CSMD1: variants seen among roughly 807,000 people sequenced by gnomAD.
The protein encoded by CSMD1 is CUB and sushi domain-containing protein 1.
In CSMD1, 213 loss-of-function variants were observed where a neutral mutation model predicts 417.5. The observed-to-expected ratio is 0.51, with a 90% CI of 0.46 to 0.57. CSMD1 has a LOEUF of 0.57. CSMD1 is among the 20% of genes least tolerant of loss of function. CSMD1 has a pLI of 0.00. For synonymous variants in CSMD1, 2,862 were observed against 1,736.8 expected (o/e 1.65, Z -16.11); for missense variants, 6,923 against 4,529.7 (o/e 1.53, Z -15.17).
chr8:4,454,065 G>A (rs976821318), intron 2 of CSMD1, among the ~76,000 whole-genome samples: 19 of 151,912 alleles, frequency 1.3e-4, no homozygotes, highest in South Asian at 8.3e-4. Flanking sequence ...CTCGTGATCC[G>A]CCCGCCTCGG....
At chr8:3,619,544 G>T (rs190547494) in intron 7 of CSMD1, among the ~76,000 whole-genome samples, 68 of 152,076 alleles carry the variant, frequency 4.5e-4, no homozygotes, top group Admixed American at 8.5e-4. Context: ...TTAAATAAAG[G>T]AATATAAACT....
rs1354544358 is a variant in CSMD1 at position 3,821,833 on chromosome 8, A to T, written c.819-67791T>A. 2.6e-5 allele frequency among the ~76,000 whole-genome samples: 4 copies of T among 152,138 alleles called. No homozygotes were observed. In the East Asian group the frequency reaches 7.7e-4, roughly 29 times the overall value. ...ACAAACAAAAAGTTTAATGGGAGAAACAAAGTTAGTCATGGCAAGGAATAT... is the reference window on the plus strand; with the variant it reads ...ACAAACAAAAAGTTTAATGGGAGAATCAAAGTTAGTCATGGCAAGGAATAT... On this transcript the variant is annotated intron_variant, in intron 5 of 69. Transcript: ENST00000635120.
At chr8:3,379,502 AC>A (rs1481168554) in intron 18 of CSMD1, among the ~76,000 whole-genome samples, 4 of 152,178 alleles carry the variant, frequency 2.6e-5, no homozygotes, top group African/African-American at 9.7e-5. Flanking sequence ...GAACTATACT[AC>A]CAGGCTACAG....
intron 46 of CSMD1, among the ~76,000 whole-genome samples, chr8:3,104,264 G>A (rs1279347048): frequency 6.6e-6 from 1 of 152,138 alleles, no homozygotes; most frequent in Non-Finnish European, 1.5e-5. Flanking sequence ...CTTGAGGAAA[G>A]AATCCATAAA....
chr8:4,499,590 T>C (rs1469371688), intron 2 of CSMD1, among the ~76,000 whole-genome samples: 1 of 152,230 alleles, frequency 6.6e-6, no homozygotes, highest in Non-Finnish European at 1.5e-5. Flanking sequence ...AAGATATTAA[T>C]TCTGTAAAAG....
chr8:4,120,940 T>C (rs947288891), intron 3 of CSMD1, among the ~76,000 whole-genome samples: 1 of 152,198 alleles, frequency 6.6e-6, no homozygotes, highest in African/African-American at 2.4e-5. Context: ...AAAATGTGTA[T>C]AATAAGAATA....
chr8:4,787,983 C>A, intron 1 of CSMD1: 1 of 1,594,414 alleles, frequency 6.3e-7, no homozygotes, highest in Non-Finnish European at 8.6e-7. Context: ...TCGAAGCCAA[C>A]AGAAAGACAA....
At chr8:4,217,529 T>A (rs147519787) in intron 3 of CSMD1, among the ~76,000 whole-genome samples, 1 of 152,092 alleles carries the variant, frequency 6.6e-6, no homozygotes, top group Non-Finnish European at 1.5e-5. Context: ...AAGGTGGTGG[T>A]GGAAGTGTCT....
intron 1 of CSMD1, among the ~76,000 whole-genome samples, chr8:4,904,478 G>T (rs548378945): frequency 3.3e-5 from 5 of 152,058 alleles, no homozygotes; most frequent in Non-Finnish European, 5.9e-5. Flanking sequence ...TCAAACAGCT[G>T]GTAGGGCTCA....
chr8:3,888,329 C>G (rs1806703745), intron 5 of CSMD1, among the ~76,000 whole-genome samples: 1 of 152,124 alleles, frequency 6.6e-6, no homozygotes, highest in Non-Finnish European at 1.5e-5. Flanking sequence ...CATTTGTATC[C>G]AAAGTCAAAG....
intron 56 of CSMD1, among the ~76,000 whole-genome samples, 158 bp downstream of exon 56, chr8:2,974,293 T>C (rs1420439010): frequency 1.3e-5 from 2 of 152,246 alleles, no homozygotes; most frequent in African/African-American, 4.8e-5. Flanking sequence ...ACAATATCTA[T>C]AAGAGCGGCG....
At chr8:4,787,708 G>T (rs530498506) in intron 1 of CSMD1, 1 of 1,591,874 alleles carries the variant, frequency 6.3e-7, no homozygotes, top group African/African-American at 1.3e-5. Flanking sequence ...TTTCAAGGAT[G>T]CTGCCAATAA....
chr8:4,852,275 G>A (rs1801524930), intron 1 of CSMD1, among the ~76,000 whole-genome samples: 2 of 152,160 alleles, frequency 1.3e-5, no homozygotes, highest in South Asian at 4.1e-4. Context: ...GGCCTTGTGG[G>A]AGGTGCTGGG....
chr8:4,707,474 T>G (rs1213121034), intron 1 of CSMD1, among the ~76,000 whole-genome samples: 1 of 152,140 alleles, frequency 6.6e-6, no homozygotes, highest in Non-Finnish European at 1.5e-5. Context: ...AACGCCTGAA[T>G]TTTTAGAGGA....
At chr8:3,157,107 G>A (rs1235655409) in intron 39 of CSMD1, among the ~76,000 whole-genome samples, 1 of 151,920 alleles carries the variant, frequency 6.6e-6, no homozygotes, top group Non-Finnish European at 1.5e-5. Context: ...GGTAAGGAGT[G>A]TCAAGTAACT....
chr8:4,309,819 C>G (rs889095258), intron 3 of CSMD1, among the ~76,000 whole-genome samples: 10 of 152,124 alleles, frequency 6.6e-5, no homozygotes, highest in South Asian at 6.2e-4. Flanking sequence ...TTCGCCCTTA[C>G]TTCATTTTAA....
chr8:4,237,667 C>G (rs1385706851), intron 3 of CSMD1, among the ~76,000 whole-genome samples: 2 of 152,068 alleles, frequency 1.3e-5, no homozygotes. Context: ...AGGTGTGCAC[C>G]ACCATGCCCA....
chr8:3,355,481 C>T (rs982487375), intron 21 of CSMD1, among the ~76,000 whole-genome samples: 4 of 152,160 alleles, frequency 2.6e-5, no homozygotes, highest in Non-Finnish European at 5.9e-5. Flanking sequence ...AAGCCAATCA[C>T]GACTGCCCTG....
chr8:3,052,641 G>A lies in CSMD1; in HGVS notation c.7481C>T (p.Ser2494Phe), dbSNP rs752302747. The change falls in exon 50 of 70, where the codon TCC becomes TTC. Residue 2494 changes from serine to phenylalanine, a missense_variant. Transcript: ENST00000635120. ...TCCTGGGGATTCTGGGATTCCACAG[G>A]ACACAGCTGAAAAGAAATGAAACAA... ...DSLTPLCQAV[S>F]CGIPESPGNG... 10 of 1,599,184 alleles carry A rather than the reference G, an allele frequency of 6.3e-6. No homozygotes were observed. Among genetic ancestry groups the A allele is most frequent in the Non-Finnish European group, 8.5e-6 (10 of 1,173,734 alleles).
Sources: gnomAD v4.1 joint callset for allele counts (sites outside exome capture counted in the v4.1 genomes callset) on GRCh38, gnomAD v4.1.1 for gene constraint, MANE v1.5 for transcripts, NCBI Gene and HGNC (gene_info 2026-07-23, HGNC 2026-07-21) for gene names.